ZSCAN29: variants seen among roughly 807,000 people sequenced by gnomAD.
ZSCAN29 encodes the protein zinc finger and SCAN domain containing 29.
In ZSCAN29, 55 loss-of-function variants were observed where a neutral mutation model predicts 71.9. That is an observed-to-expected ratio of 0.76 (90% CI 0.62 to 0.96). ZSCAN29 has a LOEUF of 0.96. Ranked by LOEUF, ZSCAN29 falls within the 40% of genes least tolerant of loss-of-function variation. The pLI, the probability that ZSCAN29 is intolerant of heterozygous loss-of-function variation, is 0.00. For missense variants in ZSCAN29, 1,042 were observed against 1,042.2 expected (o/e 1.00, Z 0.00); for synonymous variants, 351 against 371.6 (o/e 0.94, Z 0.64).
Position 43,364,037 on chromosome 15 carries a change from T to C in ZSCAN29, c.1568A>G (p.Gln523Arg), listed in dbSNP as rs778438562. The change falls in exon 5 of 6, where the codon CAG (glutamine) becomes CGG (arginine). Residue 523 changes from glutamine (Q) to arginine (R), a missense_variant. Gln to Arg is a conservative substitution (Grantham distance 43). Coordinates refer to ENST00000684362, the MANE Select transcript of ZSCAN29 (RefSeq NM_001372080.1). ...PVQGTSEAEA[Q>R]KQAEEADEAT... ...CTCGTCTGCTTCCTCAGCTTGCTTC[T>C]GAGCTTCAGCCTCACTGGTCCCCTG... The C allele has an allele frequency of 3.1e-6, 5 of 1,614,192 alleles. No homozygotes were observed. The highest frequency in any genetic ancestry group is 3.4e-6 in the Non-Finnish European group (4 of 1,180,024).
Position 43,361,808 on chromosome 15 carries a change from C to A in ZSCAN29, c.1824G>T (p.Glu608Asp). ...PRYLHQGKGN[E>D]SDCRSGRQWA... ...ACTGTCTTCCTGATCTACAGTCACT[C>A]TCATTGCCTTTACCCTGATGAAGAT... Residue 608 changes from glutamate (E) to aspartate (D), a missense_variant, in exon 6 of 6, where the codon GAG (glutamate) becomes GAT (aspartate). Transcript: ENST00000684362. 6.2e-7 allele frequency: 1 copy of A among 1,614,162 alleles called. No individual in the cohort carries two copies. Among genetic ancestry groups the A allele is most frequent in the Non-Finnish European group, 8.5e-7 (1 of 1,180,038 alleles).
intron 5 of ZSCAN29, among the ~76,000 whole-genome samples, 189 bp from the exon 6 acceptor site, chr15:43,362,130 C>T (rs1237330448): frequency 6.6e-6 from 1 of 152,200 alleles, no homozygotes; most frequent in African/African-American, 2.4e-5. Flanking sequence ...CTATCATGTG[C>T]TTCTCATCTA....
At position 43,361,136 on chromosome 15, in the gene ZSCAN29, G is replaced by A. The variant is rs778739447; in HGVS notation, c.2496C>T (p.Ala832=). ...DCGKCFSKSS[A]LNKHGEIHAR... Reference sequence around the variant, plus strand: ...CATGGATTTCTCCGTGCTTATTAAGGGCAGAGCTTTTACTGAAGCACTTAC... The same window carrying A: ...CATGGATTTCTCCGTGCTTATTAAGAGCAGAGCTTTTACTGAAGCACTTAC... Residue 832 remains alanine, a synonymous_variant, in exon 6 of 6, where the codon GCC becomes GCT. Transcript: ENST00000684362. The A allele has an allele frequency of 1.2e-6, 2 of 1,613,644 alleles. No individual in the cohort carries two copies. Among genetic ancestry groups the A allele is most frequent in the Admixed American group, 1.7e-5 (1 of 60,012 alleles).
chr15:43,369,086 C>G lies in ZSCAN29; in HGVS notation c.360G>C (p.Lys120Asn). ...CTTGTGATGATTTCGGGGGTGTCAT[C>G]TTCTCCAAGCGCACTTCCTGCCCCT... is the stretch of plus-strand genomic sequence containing the variant. ...SVKGQEVRLE[K>N]MTPPKSSQEL... Residue 120 changes from lysine to asparagine, a missense_variant, in exon 3 of 6, where the codon AAG becomes AAC. Transcript: ENST00000684362. 1 of 1,598,774 alleles carries G rather than the reference C, an allele frequency of 6.3e-7. No homozygotes were observed.
chr15:43,361,987 A>T (rs536928990), intron 5 of ZSCAN29, 46 bp from the exon 6 acceptor site: 3 of 1,553,440 alleles, frequency 1.9e-6, no homozygotes, highest in South Asian at 2.5e-5. Flanking sequence ...TCTTAATCAT[A>T]TGTGCCACAG....
At position 43,369,034 on chromosome 15, in the gene ZSCAN29, C is replaced by A. The variant is rs749449553; in HGVS notation, c.412G>T (p.Val138Leu). The change falls in exon 3 of 6, where the codon GTG becomes TTG. Residue 138 changes from valine (V) to leucine (L), a missense_variant. Coordinates refer to ENST00000684362, the MANE Select transcript of ZSCAN29 (RefSeq NM_001372080.1). The part of the protein sequence containing the change: ...QELLSVRQES[V>L]EPQPRGVPKK... ...GGTACACCCCTGGGCTGGGGTTCCA[C>A]TGACTCCTGCCGAACACTTAATAAC... 3.7e-6 allele frequency: 6 copies of A among 1,612,724 alleles called. No homozygotes were observed. The Admixed American group carries it at 6.7e-5, about 18-fold the overall frequency.
In ZSCAN29 at chr15:43,369,086, C is replaced by T. The variant is rs756636120; in HGVS notation, c.360G>A (p.Lys120=). The part of the protein sequence containing the change: ...SVKGQEVRLE[K]MTPPKSSQEL... ...CTTGTGATGATTTCGGGGGTGTCAT[C>T]TTCTCCAAGCGCACTTCCTGCCCCT... The change falls in exon 3 of 6, where the codon AAG becomes AAA. Residue 120 remains lysine (K), a synonymous_variant. Transcript: ENST00000684362. The T allele has an allele frequency of 6.3e-7, 1 of 1,598,654 alleles. No homozygotes were observed.
At position 43,368,966 on chromosome 15, in the gene ZSCAN29, C is replaced by G; in HGVS notation, c.480G>C (p.Glu160Asp). ...RARSPDLGPQ[E>D]QMNPKEKLKP... is the part of the protein sequence containing the mutation. ...TGAGCTTCTCCTTTGGGTTCATCTG[C>G]TCCTGTGGTCCCAGGTCTGGGCTTC... The change falls in exon 3 of 6, where the codon GAG becomes GAC. Residue 160 changes from glutamate to aspartate, a missense_variant. Coordinates refer to ENST00000684362, the MANE Select transcript of ZSCAN29 (RefSeq NM_001372080.1). The G allele has an allele frequency of 6.2e-7, 1 of 1,612,236 alleles. No homozygotes were observed. Among genetic ancestry groups the G allele is most frequent in the South Asian group, 1.1e-5 (1 of 90,646 alleles).
At position 43,366,931 on chromosome 15, in the gene ZSCAN29, T is replaced by G. The variant is rs1336688174; in HGVS notation, c.524-123A>C. ...AAACAAAGTGTCTAGGGAAATGTTT[T>G]CAGAAAGTTCAGTGGGCTGAAAAAG... On this transcript the variant is annotated intron_variant, in intron 3 of 5. Transcript: ENST00000684362. 4.4e-6 allele frequency: 4 copies of G among 904,942 alleles called. No individual in the cohort carries two copies. The Admixed American group carries it at 1.2e-4, about 26-fold the overall frequency. The allele number at this position is 904,942 out of a possible 1,614,324, so 56.1% of individuals were successfully genotyped here. A position where few individuals can be genotyped will look rare whatever the true frequency, so the allele number is the denominator to read the frequency against.
rs889511051 is a variant in ZSCAN29, at chr15:43,363,206, C to T, written c.1690+709G>A. Among the ~76,000 whole-genome samples, 5 of 152,072 alleles carry T rather than the reference C, an allele frequency of 3.3e-5. 1 individual carries two copies. Among genetic ancestry groups the T allele is most frequent in the South Asian group, 2.1e-4 (1 of 4,820 alleles). On this transcript the variant is annotated intron_variant, in intron 5 of 5. Coordinates refer to ENST00000684362, the MANE Select transcript of ZSCAN29 (RefSeq NM_001372080.1). ...GTTGGTCAGGCTGCTTTCCAACTCC[C>T]GACCTCAGGTGATCTGCCCGCCTCG...
At chr15:43,367,193 G>A (rs1185935844) in intron 3 of ZSCAN29, among the ~76,000 whole-genome samples, 1 of 152,136 alleles carries the variant, frequency 6.6e-6, no homozygotes, top group Non-Finnish European at 1.5e-5. Context: ...TACCTTATCC[G>A]TTTCCTTCAC....
intron 1 of ZSCAN29, 139 bp from the exon 2 acceptor site, chr15:43,370,164 C>T (rs17780920): frequency 0.17 from 78,190 of 456,722 alleles, 7,540 homozygotes; most frequent in Middle Eastern, 0.24. Flanking sequence ...TTTGCAAAAA[C>T]TGCTTTTCTG....
In ZSCAN29 at chr15:43,366,760, T is replaced by A. The variant is rs1566883952; in HGVS notation, c.572A>T (p.Glu191Val). 2.5e-6 allele frequency: 4 copies of A among 1,614,078 alleles called. No homozygotes were observed. The highest frequency in any genetic ancestry group is 1.7e-5 in the Admixed American group (1 of 60,016). Residue 191 changes from glutamate (E) to valine (V), a missense_variant, in exon 4 of 6, where the codon GAG becomes GTG. Glu to Val is a moderately radical substitution (Grantham distance 121, BLOSUM62 -2). Transcript: ENST00000684362. Reference sequence around the variant, plus strand: ...GCCCAGCAGATCTGGGATCCATGGCTCTCCTTGCTCCAACCTGGAGACCAC... The same window carrying A: ...GCCCAGCAGATCTGGGATCCATGGCACTCCTTGCTCCAACCTGGAGACCAC... ...SGVVSRLEQG[E>V]PWIPDLLGSK...
In ZSCAN29 at chr15:43,363,822, G is replaced by C. The variant is rs893749955; in HGVS notation, c.1690+93C>G. 6 of 1,225,172 alleles carry C rather than the reference G, an allele frequency of 4.9e-6. No homozygotes were observed. In the African/African-American group the frequency reaches 9.1e-5, roughly 19 times the overall value. 75.9% of individuals were successfully genotyped at this position (1,225,172 alleles called of 1,614,324 possible). A position where few individuals can be genotyped will look rare whatever the true frequency, so the allele number is the denominator to read the frequency against. On this transcript the variant is annotated intron_variant, in intron 5 of 5. Coordinates refer to ENST00000684362, the MANE Select transcript of ZSCAN29 (RefSeq NM_001372080.1). Reference sequence around the variant, plus strand: ...TCACAAGAAGAATCCATGAAAGCTGGGTGTAGAGGCCAGTTCTCAATCAGA... The same window carrying C: ...TCACAAGAAGAATCCATGAAAGCTGCGTGTAGAGGCCAGTTCTCAATCAGA...
rs2043975436 is a variant in ZSCAN29 at position 43,361,233 on chromosome 15, C to A, written c.2399G>T (p.Ser800Ile). The A allele has an allele frequency of 6.2e-7, 1 of 1,614,006 alleles. No individual in the cohort carries two copies. The highest frequency in any genetic ancestry group is 1.7e-5 in the Admixed American group (1 of 59,996). The stretch of plus-strand genomic sequence containing the variant: ...ATGTGCACGTAAGTCAGAACTCTTA[C>A]TGAAACTCTTTCCACAGTCAGGACA... ...HVCPDCGKSF[S>I]KSSDLRAHHR... Residue 800 changes from serine to isoleucine, a missense_variant, in exon 6 of 6, where the codon AGT (serine) becomes ATT (isoleucine). Coordinates refer to ENST00000684362, the MANE Select transcript of ZSCAN29 (RefSeq NM_001372080.1).
In ZSCAN29 at chr15:43,369,674, T is replaced by C. The variant is rs2044079967; in HGVS notation, c.240A>G (p.Glu80=). The change falls in exon 2 of 6, where the codon GAA becomes GAG. Residue 80 remains glutamate, a synonymous_variant. Coordinates refer to ENST00000684362, the MANE Select transcript of ZSCAN29 (RefSeq NM_001372080.1). ...CCTCCTCTCCATTTTCTGGACATTG[T>C]TCCTGTACCCAATTCTGGATCTCCC... The part of the protein sequence containing the change: ...LPGEIQNWVQ[E]QCPENGEEAV... 1 of 1,614,262 alleles carries C rather than the reference T, an allele frequency of 6.2e-7. No individual in the cohort carries two copies. Among genetic ancestry groups the C allele is most frequent in the Admixed American group, 1.7e-5 (1 of 60,030 alleles).
In ZSCAN29 at chr15:43,369,055, A is replaced by G. The variant is rs140542429; in HGVS notation, c.391T>C (p.Leu131=). The G allele has an allele frequency of 1.4e-5, 22 of 1,611,370 alleles. No homozygotes were observed. The African/African-American group carries it at 2.8e-4, about 21-fold the overall frequency. ...MTPPKSSQEL[L]SVRQESVEPQ... is the part of the protein sequence containing the mutation. ...TCCACTGACTCCTGCCGAACACTTAATAACTCTTGTGATGATTTCGGGGGT... is the reference window on the plus strand; with the variant it reads ...TCCACTGACTCCTGCCGAACACTTAGTAACTCTTGTGATGATTTCGGGGGT... The change falls in exon 3 of 6, where the codon TTA becomes CTA. Residue 131 remains leucine, a synonymous_variant. Transcript: ENST00000684362.
chr15:43,365,839 AAAAT>A (rs2044030793), intron 4 of ZSCAN29, among the ~76,000 whole-genome samples: 1 of 152,182 alleles, frequency 6.6e-6, no homozygotes. Context: ...ATCAGGGAAA[AAAAT>A]AGTTTAGTAA....
chr15:43,361,205 A>G lies in ZSCAN29; in HGVS notation c.2427T>C (p.His809=), dbSNP rs142215462. 7.3e-5 allele frequency: 118 copies of G among 1,611,978 alleles called. No individual in the cohort carries two copies. Among genetic ancestry groups the G allele is most frequent in the Non-Finnish European group, 9.6e-5 (113 of 1,179,448 alleles). The change falls in exon 6 of 6, where the codon CAT becomes CAC. Residue 809 remains histidine (H), a synonymous_variant. Transcript: ENST00000684362. ...FSKSSDLRAH[H]RTHTGEKPYG... is the part of the protein sequence containing the mutation. ...AGGGTTTCTCTCCTGTGTGGGTTCT[A>G]TGATGTGCACGTAAGTCAGAACTCT...
Sources: gnomAD v4.1 joint callset for allele counts (sites outside exome capture counted in the v4.1 genomes callset) on GRCh38, gnomAD v4.1.1 for gene constraint, MANE v1.5 for transcripts, NCBI Gene and HGNC (gene_info 2026-07-23, HGNC 2026-07-21) for gene names.